The following HDAC4 variants were observed in gnomAD, a reference collection of about 807,000 sequenced individuals.
The protein encoded by HDAC4 is histone deacetylase 4, also known as histone deacetylase A.
In HDAC4, 16 loss-of-function variants were observed where a neutral mutation model predicts 135.1. That is an observed-to-expected ratio of 0.12 (90% CI 0.08 to 0.18). The LOEUF (loss-of-function observed/expected upper bound fraction) is 0.18, where lower values mean the gene tolerates loss of function less well. Ranked by LOEUF, HDAC4 falls within the 10% of genes least tolerant of loss-of-function variation. The pLI, the probability that HDAC4 is intolerant of heterozygous loss-of-function variation, is 1.00. For missense variants in HDAC4, 1,143 were observed against 1,511.8 expected (o/e 0.76, Z 4.05); for synonymous variants, 685 against 653.4 (o/e 1.05, Z -0.74).
chr2:239,267,364 C>T (rs953010231), intron 2 of HDAC4, among the ~76,000 whole-genome samples: 1 of 152,206 alleles, frequency 6.6e-6, no homozygotes, highest in Non-Finnish European at 1.5e-5. Flanking sequence ...CCGATGGAGT[C>T]TGAAGAGCAC....
chr2:239,319,315 C>T (rs2053229588), intron 2 of HDAC4, among the ~76,000 whole-genome samples: 2 of 152,220 alleles, frequency 1.3e-5, no homozygotes, highest in African/African-American at 4.8e-5. Context: ...GGAAGGAAGC[C>T]ACACACACCC....
intron 23 of HDAC4, 145 bp from the exon 24 acceptor site, chr2:239,067,000 C>T (rs549850661): frequency 7.7e-5 from 73 of 947,608 alleles, no homozygotes; most frequent in East Asian, 1.1e-4. Flanking sequence ...TTAATAAATT[C>T]GCTGAAGAGT....
chr2:239,090,302 A>G (rs2036388063), intron 17 of HDAC4, among the ~76,000 whole-genome samples, 186 bp from the exon 18 acceptor site: 1 of 152,222 alleles, frequency 6.6e-6, no homozygotes, highest in Non-Finnish European at 1.5e-5. Context: ...AAGTTTAAAC[A>G]GGAAAATACA....
chr2:239,178,089 C>T (rs1352101234), intron 4 of HDAC4, among the ~76,000 whole-genome samples: 8 of 152,234 alleles, frequency 5.3e-5, no homozygotes, highest in African/African-American at 1.2e-4. Flanking sequence ...ACACTTTCCT[C>T]GGCTTCCACA....
In HDAC4 at chr2:239,309,888, C is replaced by T. The variant is rs2052788405; in HGVS notation, c.22+42790G>A. Among the ~76,000 whole-genome samples the T allele has an allele frequency of 6.6e-6, 1 of 152,240 alleles. No individual in the cohort carries two copies. Among genetic ancestry groups the T allele is most frequent in the Non-Finnish European group, 1.5e-5 (1 of 68,032 alleles). The stretch of plus-strand genomic sequence containing the variant: ...TAGCAGAAGGGTGTTCTGGAAGCTG[C>T]CCCCTCCCATGCTGCTGCCTGGTCC... On this transcript the variant is annotated intron_variant, in intron 2 of 26. Coordinates refer to ENST00000543185, the MANE Select transcript of HDAC4 (RefSeq NM_001378414.1). The surrounding 1 kb of genome is among the most constrained non-coding windows in gnomAD (Gnocchi z 4.2).
chr2:239,229,101 C>G (rs1378805986), intron 3 of HDAC4, among the ~76,000 whole-genome samples: 1 of 152,204 alleles, frequency 6.6e-6, no homozygotes, highest in Non-Finnish European at 1.5e-5. Context: ...GAGATCCTGC[C>G]ACTGCACTCC....
intron 23 of HDAC4, 159 bp from the exon 24 acceptor site, chr2:239,067,014 G>A (rs374557209): frequency 1.7e-5 from 14 of 826,450 alleles, no homozygotes; most frequent in Non-Finnish European, 2.4e-5. Context: ...GAAGAGTTTC[G>A]GCTTTGGATT....
At chr2:239,376,597 G>A (rs982258371) in intron 1 of HDAC4, among the ~76,000 whole-genome samples, 10 of 152,198 alleles carry the variant, frequency 6.6e-5, no homozygotes, top group African/African-American at 1.4e-4. Flanking sequence ...ACCACCTGCC[G>A]GGAGCACAAC....
In HDAC4 at chr2:239,374,386, C is replaced by CTTTTTTTTTTTTT. The variant is rs755538495; in HGVS notation, c.-219-21481_-219-21469dup. On this transcript the variant is annotated intron_variant, in intron 1 of 26. Transcript: ENST00000543185. ...CACCCCAGATGAATAGAAAACAAGG[C>CTTTTTTTTTTTTT]TTTTTTTTTTTTTTTTTTTTTTTTT... Among the ~76,000 whole-genome samples the CTTTTTTTTTTTTT allele has an allele frequency of 5.3e-5, 3 of 56,666 alleles. 1 individual carries two copies. The highest frequency in any genetic ancestry group is 7.8e-5 in the African/African-American group (1 of 12,774). The allele number at this position is 56,666 out of a possible 152,430, so 37.2% of individuals were successfully genotyped here.
At chr2:239,189,417 G>A (rs547786261) in intron 4 of HDAC4, among the ~76,000 whole-genome samples, 1 of 152,180 alleles carries the variant, frequency 6.6e-6, no homozygotes, top group East Asian at 1.9e-4. Context: ...ATTATAAAAG[G>A]TTAGTAGAGA....
chr2:239,386,402 G>A (rs373442299), intron 1 of HDAC4, among the ~76,000 whole-genome samples: 5 of 152,184 alleles, frequency 3.3e-5, no homozygotes, highest in East Asian at 1.9e-4. Context: ...TCCCAACCAC[G>A]GGAGGAACCA....
intron 2 of HDAC4, among the ~76,000 whole-genome samples, chr2:239,282,344 C>T (rs139483975): frequency 0.015 from 1,661 of 112,836 alleles, 72 homozygotes; most frequent in East Asian, 0.12. Context: ...ACACCACTCT[C>T]CACACAATGT....
rs145045630 is a variant in HDAC4, at chr2:239,306,348, T to A, written c.22+46330A>T. ...CACCCAGGTCCAGCAAGTCAGTGAC[T>A]ACAACAGAGGACACAGCCTTCCAGT... On this transcript the variant is annotated intron_variant, in intron 2 of 26. Coordinates refer to ENST00000543185, the MANE Select transcript of HDAC4 (RefSeq NM_001378414.1). This position sits in a 1 kb window ranked among gnomAD's most constrained non-coding sequence, Gnocchi z 4.5. Among the ~76,000 whole-genome samples, 28 of 152,234 alleles carry A rather than the reference T, an allele frequency of 1.8e-4. No individual in the cohort carries two copies. Among genetic ancestry groups the A allele is most frequent in the African/African-American group, 6.7e-4 (28 of 41,552 alleles).
rs567493755 is a variant in HDAC4, at chr2:239,098,122, A to C, written c.2234-3066T>G. Among the ~76,000 whole-genome samples the C allele has an allele frequency of 3.9e-5, 6 of 152,348 alleles. No homozygotes were observed. The South Asian group carries it at 1.2e-3, about 32-fold the overall frequency. ...TTTGCTCATTATCTAGCAAAGACCA[A>C]AACAACAAAGAAAAAGTACACGATT... On this transcript the variant is annotated intron_variant, in intron 16 of 26. Transcript: ENST00000543185.
rs1326576879 is a variant in HDAC4, at chr2:239,126,393, GA to G, written c.1533+62del. On this transcript the variant is annotated intron_variant, in intron 12 of 26. Transcript: ENST00000543185. ...CAGAAAGGGGCCAGTGCTGAAGCCT[GA>G]GGCTGAAGCGCACAGCACACAGCCG... is the stretch of plus-strand genomic sequence containing the variant. The G allele has an allele frequency of 2.6e-5, 42 of 1,610,302 alleles. No individual in the cohort carries two copies. The Admixed American group carries it at 5.7e-4, about 22-fold the overall frequency.
chr2:239,119,427 G>A (rs1011295588), intron 12 of HDAC4, among the ~76,000 whole-genome samples: 11 of 152,200 alleles, frequency 7.2e-5, no homozygotes, highest in African/African-American at 2.7e-4. Context: ...TGAGGAGACA[G>A]GGCTCAGACC....
chr2:239,088,192 C>G (rs149469367), intron 18 of HDAC4, among the ~76,000 whole-genome samples: 1 of 152,202 alleles, frequency 6.6e-6, no homozygotes, highest in Non-Finnish European at 1.5e-5. Context: ...ATCACTTCTG[C>G]GTCAAAAATC....
chr2:239,204,218 G>A (rs1431816308), intron 3 of HDAC4, among the ~76,000 whole-genome samples: 2 of 152,168 alleles, frequency 1.3e-5, no homozygotes, highest in South Asian at 2.1e-4. Context: ...GCCGTGTCCC[G>A]GCGTCCCCAT....
intron 1 of HDAC4, among the ~76,000 whole-genome samples, chr2:239,374,682 C>T (rs1360284055): frequency 6.6e-6 from 1 of 152,104 alleles, no homozygotes; most frequent in Non-Finnish European, 1.5e-5. Context: ...GGATTACAGG[C>T]GTGAGCCACC....
Sources: allele counts gnomAD v4.1 joint callset (sites outside exome capture counted in the v4.1 genomes callset), GRCh38; gene constraint gnomAD v4.1.1; non-coding constraint Gnocchi (gnomAD v3.1); transcripts MANE v1.5; gene names NCBI Gene and HGNC (gene_info 2026-07-23, HGNC 2026-07-21).